Variants in CNTN5 observed in about 807,000 individuals in gnomAD.
CNTN5 encodes the protein contactin-5.
In CNTN5, 77 loss-of-function variants were observed where a neutral mutation model predicts 129.1. That is an observed-to-expected ratio of 0.60 (90% CI 0.50 to 0.72). The LOEUF (loss-of-function observed/expected upper bound fraction) is 0.72, where lower values mean the gene tolerates loss of function less well. Among genes scored for constraint, CNTN5 ranks in the 30% least tolerant of loss-of-function variants. CNTN5 has a pLI of 0.00. For synonymous variants in CNTN5, 509 were observed against 465.6 expected (o/e 1.09, Z -1.20); for missense variants, 1,478 against 1,328.8 (o/e 1.11, Z -1.75).
chr11:99,069,272 A>G (rs1272568657), intron 1 of CNTN5, among the ~76,000 whole-genome samples: 1 of 152,094 alleles, frequency 6.6e-6, no homozygotes, highest in Non-Finnish European at 1.5e-5. Flanking sequence ...AACTCTTTAT[A>G]GCTTAGAAAT....
chr11:99,109,612 G>A (rs1018911558), intron 1 of CNTN5, among the ~76,000 whole-genome samples: 1 of 152,048 alleles, frequency 6.6e-6, no homozygotes, highest in Non-Finnish European at 1.5e-5. Flanking sequence ...AAAACCAAGT[G>A]ATTACAGACA....
intron 13 of CNTN5, among the ~76,000 whole-genome samples, chr11:100,113,886 T>C (rs1460796020): frequency 1.3e-5 from 2 of 152,120 alleles, no homozygotes; most frequent in East Asian, 3.9e-4. Context: ...ATGTCTCATG[T>C]GGTCTTGTTG....
chr11:99,649,745 T>G (rs545499209), intron 3 of CNTN5, among the ~76,000 whole-genome samples: 1 of 25,784 alleles, frequency 3.9e-5, no homozygotes, highest in Middle Eastern at 0.026. Context: ...AAACATTAAG[T>G]TTTTTTCCTA....
intron 1 of CNTN5, among the ~76,000 whole-genome samples, chr11:99,041,044 C>G (rs1339905410): frequency 6.6e-6 from 1 of 152,070 alleles, no homozygotes; most frequent in Non-Finnish European, 1.5e-5. Flanking sequence ...TTGAACTAAT[C>G]TCCTCAAACC....
At chr11:99,869,384 A>T (rs1192107648) in intron 6 of CNTN5, among the ~76,000 whole-genome samples, 2 of 152,204 alleles carry the variant, frequency 1.3e-5, no homozygotes, top group African/African-American at 2.4e-5. Flanking sequence ...TGGGTAGTAG[A>T]TAAATATATA....
intron 3 of CNTN5, among the ~76,000 whole-genome samples, chr11:99,670,459 A>C (rs1157074021): frequency 6.6e-6 from 1 of 152,174 alleles, no homozygotes; most frequent in East Asian, 1.9e-4. Flanking sequence ...ACACCAGCCT[A>C]TCACTCACCT....
At chr11:100,102,691 G>T (rs369528255) in intron 13 of CNTN5, among the ~76,000 whole-genome samples, 50 of 152,174 alleles carry the variant, frequency 3.3e-4, no homozygotes, top group South Asian at 1.4e-3. Context: ...TTTAGCAAAA[G>T]ACATTACTAA....
At chr11:99,644,125 G>GCCCATATT (rs1413611095) in intron 3 of CNTN5, among the ~76,000 whole-genome samples, 8 of 151,230 alleles carry the variant, frequency 5.3e-5, no homozygotes, top group African/African-American at 1.9e-4. Context: ...ATGCCCATAT[G>GCCCATATT]CCCACTGAAC....
intron 1 of CNTN5, among the ~76,000 whole-genome samples, chr11:99,239,805 C>T (rs528258764): frequency 7.2e-5 from 11 of 152,060 alleles, no homozygotes; most frequent in South Asian, 2.1e-4. Flanking sequence ...GGCGTGGTGG[C>T]GGGCGCCTGT....
intron 1 of CNTN5, among the ~76,000 whole-genome samples, chr11:99,262,769 A>G (rs1862702135): frequency 6.6e-6 from 1 of 151,968 alleles, no homozygotes; most frequent in Non-Finnish European, 1.5e-5. Flanking sequence ...GTTAAATTGA[A>G]TTCTTTTATT....
intron 17 of CNTN5, among the ~76,000 whole-genome samples, chr11:100,267,298 G>A (rs1043271219): frequency 3.3e-4 from 49 of 150,744 alleles, no homozygotes; most frequent in Non-Finnish European, 6.2e-4. Flanking sequence ...GAGAGAAAGA[G>A]AGAGTGAGCA....
At chr11:100,277,735 T>C (rs1316737975) in intron 18 of CNTN5, among the ~76,000 whole-genome samples, 2 of 152,086 alleles carry the variant, frequency 1.3e-5, no homozygotes, top group African/African-American at 4.8e-5. Context: ...GGCAGACAGG[T>C]AGTTTGCAAA....
intron 1 of CNTN5, among the ~76,000 whole-genome samples, chr11:99,230,140 G>A (rs1860913771): frequency 1.3e-5 from 2 of 151,910 alleles, no homozygotes; most frequent in Non-Finnish European, 2.9e-5. Flanking sequence ...GAGATTAGAA[G>A]CCATTTTCTC....
intron 1 of CNTN5, among the ~76,000 whole-genome samples, chr11:99,289,629 T>A (rs574145044): frequency 6.6e-6 from 1 of 151,984 alleles, no homozygotes; most frequent in South Asian, 2.1e-4. Flanking sequence ...TCATCATCCC[T>A]GTAGAGCTTC....
intron 3 of CNTN5, among the ~76,000 whole-genome samples, chr11:99,709,800 G>A (rs1954898099): frequency 6.6e-6 from 1 of 151,706 alleles, no homozygotes; most frequent in Non-Finnish European, 1.5e-5. Flanking sequence ...AAGATATTGA[G>A]GTAATTCAAG....
At chr11:99,637,288 A>C in intron 3 of CNTN5, among the ~76,000 whole-genome samples, 1 of 152,208 alleles carries the variant, frequency 6.6e-6, no homozygotes, top group East Asian at 1.9e-4. Context: ...AGAATACCTT[A>C]TAGCATATAA....
chr11:100,084,052 T>C (rs564711843), intron 13 of CNTN5, among the ~76,000 whole-genome samples: 10 of 152,286 alleles, frequency 6.6e-5, no homozygotes, highest in African/African-American at 2.4e-4. Context: ...TTTTTGACTT[T>C]ACATGTTACA....
chr11:99,468,450 C>G (rs562204391), intron 2 of CNTN5, among the ~76,000 whole-genome samples: 1 of 152,276 alleles, frequency 6.6e-6, no homozygotes, highest in South Asian at 2.1e-4. Context: ...TAAATTTTCT[C>G]TCACCCCCAA....
intron 13 of CNTN5, among the ~76,000 whole-genome samples, chr11:100,086,703 G>A (rs1205992744): frequency 6.6e-6 from 1 of 151,190 alleles, no homozygotes; most frequent in African/African-American, 2.4e-5. Context: ...AAAATAAATA[G>A]CAAAGTTGAA....
Sources: gnomAD v4.1 joint callset for allele counts (sites outside exome capture counted in the v4.1 genomes callset) on GRCh38, gnomAD v4.1.1 for gene constraint, MANE v1.5 for transcripts, NCBI Gene and HGNC (gene_info 2026-07-23, HGNC 2026-07-21) for gene names.